KDM4C: variants seen among roughly 807,000 people sequenced by gnomAD.
KDM4C encodes the protein lysine demethylase 4C.
A neutral mutation model predicts 129.3 loss-of-function variants in KDM4C; 81 were observed. The observed-to-expected ratio is 0.63, with a 90% CI of 0.52 to 0.75. The LOEUF is 0.75. Ranked by LOEUF, KDM4C falls within the 30% of genes least tolerant of loss-of-function variation. The pLI is 0.00. For missense variants in KDM4C, 1,457 were observed against 1,304.0 expected (o/e 1.12, Z -1.81); for synonymous variants, 573 against 456.1 (o/e 1.26, Z -3.26).
intron 8 of KDM4C, among the ~76,000 whole-genome samples, chr9:6,918,410 C>G (rs1390208053): frequency 6.6e-6 from 1 of 152,134 alleles, no homozygotes; most frequent in Admixed American, 6.5e-5. Flanking sequence ...TTTTCTTCAT[C>G]CAGTCTACTG....
chr9:6,890,515 G>A (rs1181122513), intron 7 of KDM4C, among the ~76,000 whole-genome samples: 1 of 152,082 alleles, frequency 6.6e-6, no homozygotes, highest in African/African-American at 2.4e-5. Flanking sequence ...TCTGCATTTA[G>A]ATTATATCCA....
chr9:7,106,978 A>G (rs1391983525), intron 18 of KDM4C, among the ~76,000 whole-genome samples: 1 of 152,192 alleles, frequency 6.6e-6, no homozygotes, highest in African/African-American at 2.4e-5. Flanking sequence ...AAGATGGAAA[A>G]AAGTGTGTCA....
At chr9:6,734,155 C>A (rs901708923) in intron 1 of KDM4C, among the ~76,000 whole-genome samples, 3 of 152,040 alleles carry the variant, frequency 2.0e-5, no homozygotes, top group Admixed American at 6.6e-5. Flanking sequence ...CTGACACACA[C>A]AACTTAACAA....
intron 8 of KDM4C, among the ~76,000 whole-genome samples, chr9:6,899,672 C>G (rs892119380): frequency 6.6e-6 from 1 of 152,092 alleles, no homozygotes; most frequent in Admixed American, 6.6e-5. Flanking sequence ...ATTATGTCCT[C>G]TTTTTATACT....
intron 19 of KDM4C, among the ~76,000 whole-genome samples, chr9:7,132,727 A>G (rs1210705982): frequency 2.6e-5 from 4 of 152,216 alleles, no homozygotes; most frequent in African/African-American, 9.6e-5. Flanking sequence ...AGCCTCTGCC[A>G]AAACCTGGGA....
At chr9:7,136,137 T>G (rs1385080344) in intron 19 of KDM4C, among the ~76,000 whole-genome samples, 1 of 152,214 alleles carries the variant, frequency 6.6e-6, no homozygotes, top group Non-Finnish European at 1.5e-5. Flanking sequence ...TAGATACAAG[T>G]CCTTTTTCAG....
intron 1 of KDM4C, among the ~76,000 whole-genome samples, chr9:6,724,959 G>T (rs1403621491): frequency 6.6e-6 from 1 of 152,132 alleles, no homozygotes; most frequent in Non-Finnish European, 1.5e-5. Context: ...GTGTTGGCAG[G>T]ACTGCACTCC....
At position 6,740,392 on chromosome 9, in the gene KDM4C, A is replaced by G. The variant is rs550778941; in HGVS notation, c.49+19395A>G. Among the ~76,000 whole-genome samples, 13 of 151,606 alleles carry G rather than the reference A, an allele frequency of 8.6e-5. No individual in the cohort carries two copies. In the East Asian group the frequency reaches 2.1e-3, roughly 25 times the overall value. ...CTAATTTTTTGTATTTTTAGTAGAGATGGGGTTTCACCGTGTTAGCCAGGA... is the reference window on the plus strand; with the variant it reads ...CTAATTTTTTGTATTTTTAGTAGAGGTGGGGTTTCACCGTGTTAGCCAGGA... On this transcript the variant is annotated intron_variant, in intron 1 of 17. Coordinates refer to the KDM4C transcript ENST00000536108.
chr9:7,000,538 T>C (rs367949737), intron 12 of KDM4C, among the ~76,000 whole-genome samples: 1 of 152,224 alleles, frequency 6.6e-6, no homozygotes, highest in South Asian at 2.1e-4. Context: ...CTTGTTACTC[T>C]TAAAGTCCTG....
At chr9:7,041,448 A>G (rs1225227691) in intron 15 of KDM4C, among the ~76,000 whole-genome samples, 10 of 151,934 alleles carry the variant, frequency 6.6e-5, no homozygotes, top group Non-Finnish European at 1.3e-4. Context: ...ATTTGTCTCT[A>G]TAGTCATTAA....
At chr9:6,792,093 C>A (rs761041971) in intron 1 of KDM4C, among the ~76,000 whole-genome samples, 2 of 152,112 alleles carry the variant, frequency 1.3e-5, no homozygotes, top group African/African-American at 4.8e-5. Flanking sequence ...TAAATCCCAG[C>A]ACTTTGGGAG....
chr9:6,852,596 A>G (rs1465566469), intron 5 of KDM4C, among the ~76,000 whole-genome samples: 1 of 152,114 alleles, frequency 6.6e-6, no homozygotes, highest in Non-Finnish European at 1.5e-5. Flanking sequence ...GTTGAGCTGT[A>G]TCTCCCCTTC....
intron 4 of KDM4C, among the ~76,000 whole-genome samples, chr9:6,842,334 T>G (rs191570281): frequency 0.072 from 8,921 of 123,132 alleles, 111 homozygotes; most frequent in East Asian, 0.18. Context: ...TTTTTTTTTT[T>G]GAGACGGAGT....
At chr9:6,932,764 T>G (rs747869692) in intron 8 of KDM4C, among the ~76,000 whole-genome samples, 1 of 152,192 alleles carries the variant, frequency 6.6e-6, no homozygotes, top group Non-Finnish European at 1.5e-5. Context: ...GGGGCATTTT[T>G]TTGATTGCAT....
At chr9:6,763,104 C>G (rs184265172) in intron 1 of KDM4C, among the ~76,000 whole-genome samples, 1 of 151,386 alleles carries the variant, frequency 6.6e-6, no homozygotes, top group East Asian at 1.9e-4. Flanking sequence ...TGGGCCTAAT[C>G]CTTTTCCCAT....
intron 12 of KDM4C, among the ~76,000 whole-genome samples, chr9:7,003,889 C>T (rs1821179768): frequency 6.6e-6 from 1 of 152,134 alleles, no homozygotes; most frequent in Non-Finnish European, 1.5e-5. Flanking sequence ...GAGTATCTCA[C>T]TTCTGCACTT....
chr9:7,167,182 T>A (rs1844474673), intron 20 of KDM4C, among the ~76,000 whole-genome samples: 1 of 152,178 alleles, frequency 6.6e-6, no homozygotes, highest in African/African-American at 2.4e-5. Flanking sequence ...TTTAATAATT[T>A]GTCCGAGAGC....
chr9:6,796,328 C>CCAG (rs1827755507), intron 2 of KDM4C, among the ~76,000 whole-genome samples: 1 of 152,118 alleles, frequency 6.6e-6, no homozygotes, highest in African/African-American at 2.4e-5. Flanking sequence ...GCCTGTAGTC[C>CCAG]CAGCTAATCG....
At chr9:7,160,062 C>T (rs560742170) in intron 19 of KDM4C, among the ~76,000 whole-genome samples, 2 of 152,276 alleles carry the variant, frequency 1.3e-5, no homozygotes, top group South Asian at 2.1e-4. Context: ...CTTGTCTTCT[C>T]ACTTAATTTC....
Sources: gnomAD v4.1 joint callset for allele counts (sites outside exome capture counted in the v4.1 genomes callset) on GRCh38, gnomAD v4.1.1 for gene constraint, MANE v1.5 for transcripts, NCBI Gene and HGNC (gene_info 2026-07-23, HGNC 2026-07-21) for gene names.